Variants in PAK6 observed in about 807,000 individuals in gnomAD.
The protein encoded by PAK6 is p21 (RAC1) activated kinase 6, also known as serine/threonine-protein kinase PAK 6.
A neutral mutation model predicts 60.8 loss-of-function variants in PAK6; 33 were observed. The observed-to-expected ratio is 0.54, with a 90% CI of 0.41 to 0.73. The LOEUF is 0.73. PAK6 is among the 30% of genes least tolerant of loss of function. PAK6 has a pLI of 0.00. For synonymous variants in PAK6, 404 were observed against 378.5 expected (o/e 1.07, Z -0.78); for missense variants, 845 against 904.1 (o/e 0.93, Z 0.84).
chr15:40,258,237 C>T (rs2038891032), intron 3 of PAK6, among the ~76,000 whole-genome samples: 1 of 152,238 alleles, frequency 6.6e-6, no homozygotes, highest in Non-Finnish European at 1.5e-5. Flanking sequence ...CTGGAGGGGC[C>T]AGCCCTGTCC....
At position 40,268,722 on chromosome 15, in the gene PAK6, G is replaced by C. The variant is rs143522272; in HGVS notation, c.858+2227G>C. ...TCACTCTAGCTAAAGAGATCAGGAAGACAGGGCGTGGGGGCACAGAGACCA... is the reference window on the plus strand; with the variant it reads ...TCACTCTAGCTAAAGAGATCAGGAACACAGGGCGTGGGGGCACAGAGACCA... On this transcript the variant is annotated intron_variant, in intron 5 of 10. Transcript: ENST00000560346. Among the ~76,000 whole-genome samples the C allele has an allele frequency of 5.7e-4, 87 of 152,360 alleles. 1 individual carries two copies. The highest frequency in any genetic ancestry group is 2.0e-3 in the African/African-American group (85 of 41,588).
intron 4 of PAK6, among the ~76,000 whole-genome samples, chr15:40,265,569 C>A (rs1566853081): frequency 6.6e-6 from 1 of 152,204 alleles, no homozygotes; most frequent in African/African-American, 2.4e-5. Context: ...GCCGACCACA[C>A]CCCTGGGCAT....
chr15:40,252,459 C>T (rs896811391), intron 2 of PAK6: 2 of 1,361,442 alleles, frequency 1.5e-6, no homozygotes, highest in Non-Finnish European at 9.8e-7. Flanking sequence ...GGCAGAGGGG[C>T]TCCTGGCCAA....
At chr15:40,276,152 G>GCCTGCAGGCAAGT in exon 11 of PAK6, 1 of 1,548,822 alleles carries the variant, frequency 6.5e-7, no homozygotes, top group Non-Finnish European at 8.9e-7. Flanking sequence ...TGGGCAGCCA[G>GCCTGCAGGCAAGT]CCTGCCGGCA....
chr15:40,268,657 C>T (rs2039216574), intron 5 of PAK6, among the ~76,000 whole-genome samples: 1 of 152,166 alleles, frequency 6.6e-6, no homozygotes, highest in South Asian at 2.1e-4. Context: ...GTATAGACTC[C>T]AGGGCTCCTG....
chr15:40,276,295 CA>C, exon 11 of PAK6: 1 of 578,770 alleles, frequency 1.7e-6, no homozygotes, highest in Non-Finnish European at 3.1e-6. Flanking sequence ...CCCGAGTCCC[CA>C]GATGGAGACC....
At chr15:40,241,483 T>C (rs558387648) in intron 2 of PAK6, among the ~76,000 whole-genome samples, 2 of 152,008 alleles carry the variant, frequency 1.3e-5, no homozygotes, top group Non-Finnish European at 2.9e-5. Flanking sequence ...GTTGAGGCCT[T>C]TGGGGCAAGC....
intron 10 of PAK6, among the ~76,000 whole-genome samples, chr15:40,275,292 T>TTTGTTTTTTTTTTTTTG (rs1250344497): frequency 6.9e-5 from 8 of 115,722 alleles, no homozygotes; most frequent in Non-Finnish European, 1.4e-4. Context: ...TTTTTTTTTT[T>TTTGTTTTTTTTTTTTTG]TTTTTTTTTT....
At chr15:40,272,551 A>C in exon 6 of PAK6, 1 of 1,613,644 alleles carries the variant, frequency 6.2e-7, no homozygotes, top group South Asian at 1.1e-5. Flanking sequence ...TGCGCTCAGG[A>C]TGGTGGTGGA....
In PAK6 at chr15:40,274,273, C is replaced by A. The variant is rs764291420; in HGVS notation, c.1875C>A (p.His625Gln). The A allele has an allele frequency of 2.5e-6, 4 of 1,604,872 alleles. No homozygotes were observed. In the South Asian group the frequency reaches 4.4e-5, roughly 18 times the overall value. Reference sequence around the variant, plus strand: ...CCCCACCCAAGCTGAAAAACTCTCACAAGGTCAGTTGGCACACAAGGGTGC... The same window carrying A: ...CCCCACCCAAGCTGAAAAACTCTCAAAAGGTCAGTTGGCACACAAGGGTGC... The change falls in exon 10 of 11, where the codon CAC becomes CAA. Residue 625 changes from histidine to glutamine, a missense_variant. Physicochemically the swap from His to Gln is conservative, Grantham distance 24. Transcript: ENST00000560346.
At chr15:40,256,390 A>G (rs2038835310) in intron 3 of PAK6, among the ~76,000 whole-genome samples, 1 of 152,210 alleles carries the variant, frequency 6.6e-6, no homozygotes, top group African/African-American at 2.4e-5. Context: ...GTGGGATGAC[A>G]GTTCCCAAAG....
chr15:40,254,026 T>G (rs1230106424), intron 3 of PAK6, among the ~76,000 whole-genome samples: 1 of 152,128 alleles, frequency 6.6e-6, no homozygotes, highest in African/African-American at 2.4e-5. Context: ...CCATGCAAGG[T>G]GAGGTTCAGC....
At chr15:40,262,064 G>A (rs1009426561) in intron 3 of PAK6, among the ~76,000 whole-genome samples, 2 of 152,084 alleles carry the variant, frequency 1.3e-5, no homozygotes, top group Admixed American at 6.5e-5. Flanking sequence ...GGTGGTGGGG[G>A]GCGGATTCAC....
chr15:40,274,060 C>G lies in PAK6; in HGVS notation c.1744-82C>G, dbSNP rs574604636. ...AGGAGAGCTGGGGCCAGCTGTCCCC[C>G]CTCCACCACTGCTGCCACCAGAACG... is the stretch of plus-strand genomic sequence containing the variant. On this transcript the variant is annotated intron_variant, in intron 9 of 10. Coordinates refer to ENST00000560346, the Ensembl canonical transcript of PAK6. 4 of 1,522,318 alleles carry G rather than the reference C, an allele frequency of 2.6e-6. No homozygotes were observed. The East Asian group carries it at 9.0e-5, about 34-fold the overall frequency. 94.3% of individuals were successfully genotyped at this position (1,522,318 alleles called of 1,614,324 possible).
intron 5 of PAK6, among the ~76,000 whole-genome samples, chr15:40,268,972 A>C (rs1333827680): frequency 6.6e-6 from 1 of 152,202 alleles, no homozygotes; most frequent in Non-Finnish European, 1.5e-5. Context: ...ATTACATGAG[A>C]TAGTACGTTG....
At chr15:40,264,943 T>A in exon 4 of PAK6, 1 of 1,613,654 alleles carries the variant, frequency 6.2e-7, no homozygotes, top group Non-Finnish European at 8.5e-7. Context: ...CCCAAGCCCG[T>A]GGTGGACCCT....
At position 40,272,619 on chromosome 15, in the gene PAK6, C is replaced by T. The variant is rs149826022; in HGVS notation, c.1254C>T (p.Thr418=). ...ACGTGAAGATTGGCGAGGGCTCCAC[C>T]GGCATCGTCTGCTTGGCCCGGGAGA... The change falls in exon 6 of 11, where the codon ACC becomes ACT. Residue 418 remains threonine (T), a synonymous_variant. Transcript: ENST00000560346. 1.2e-4 allele frequency: 195 copies of T among 1,611,474 alleles called. No homozygotes were observed. The Admixed American group carries it at 1.8e-3, about 15-fold the overall frequency.
intron 5 of PAK6, 38 bp downstream of exon 5, chr15:40,266,533 A>G: frequency 6.5e-7 from 1 of 1,542,840 alleles, no homozygotes; most frequent in African/African-American, 1.4e-5. Context: ...TCCACTGGGG[A>G]GTGGGTGTAG....
At chr15:40,248,200 G>A (rs1176119799) in intron 2 of PAK6, among the ~76,000 whole-genome samples, 1 of 152,176 alleles carries the variant, frequency 6.6e-6, no homozygotes, top group Non-Finnish European at 1.5e-5. Context: ...CCAAGGGCCT[G>A]GCAGTGTCAG....
Sources: gnomAD v4.1 joint callset for allele counts (sites outside exome capture counted in the v4.1 genomes callset) on GRCh38, gnomAD v4.1.1 for gene constraint, MANE v1.5 for transcripts, NCBI Gene and HGNC (gene_info 2026-07-23, HGNC 2026-07-21) for gene names.